CNOT10: variants seen among roughly 807,000 people sequenced by gnomAD.
CNOT10 encodes the protein CCR4-NOT transcription complex, subunit 10.
CNOT10 carries 30 observed loss-of-function variants against 94.6 expected under a neutral mutation model. The ratio of observed to expected loss-of-function variants is 0.32; its 90% CI spans 0.24 to 0.43. The LOEUF is 0.43. CNOT10 is among the 20% of genes least tolerant of loss of function. The probability of loss-of-function intolerance (pLI) is 1.00; values close to 1 mark genes in which losing one functional copy is unlikely to be tolerated. For synonymous variants in CNOT10, 289 were observed against 301.6 expected (o/e 0.96, Z 0.43); for missense variants, 759 against 877.2 (o/e 0.87, Z 1.70).
At chr3:32,735,064 C>T in intron 12 of CNOT10, 88 bp downstream of exon 12, 1 of 1,109,486 alleles carries the variant, frequency 9.0e-7, no homozygotes, top group Non-Finnish European at 1.3e-6. Flanking sequence ...TTCCTAAAAT[C>T]TTCAACCTGA....
At chr3:32,710,511 C>T (rs952744271) in intron 4 of CNOT10, among the ~76,000 whole-genome samples, 16 of 152,096 alleles carry the variant, frequency 1.1e-4, no homozygotes, top group African/African-American at 1.9e-4. Flanking sequence ...TCATAGTTTA[C>T]GTTAGGGTTC....
chr3:32,769,844 A>G (rs1279505245), intron 17 of CNOT10, 43 bp from the exon 18 acceptor site: 1 of 1,500,418 alleles, frequency 6.7e-7, no homozygotes, highest in Non-Finnish European at 9.3e-7. Flanking sequence ...TGTGTATCTT[A>G]AGCTTTTGTT....
chr3:32,740,474 A>G (rs1279854161), intron 13 of CNOT10, among the ~76,000 whole-genome samples: 1 of 152,194 alleles, frequency 6.6e-6, no homozygotes, highest in Admixed American at 6.5e-5. Flanking sequence ...CTTTAGTACA[A>G]TATCACAGTC....
chr3:32,733,979 T>G (rs1264733964), intron 11 of CNOT10, among the ~76,000 whole-genome samples: 1 of 152,224 alleles, frequency 6.6e-6, no homozygotes, highest in Non-Finnish European at 1.5e-5. Context: ...CAAAGCAGTA[T>G]AGAAGCTGTC....
At chr3:32,762,919 A>G (rs182301202) in intron 15 of CNOT10, 56 bp downstream of exon 15, 2 of 1,445,294 alleles carry the variant, frequency 1.4e-6, no homozygotes, top group East Asian at 5.5e-5. Context: ...CCCTCCTGTC[A>G]TAATTCAGGA....
chr3:32,720,896 TTCCTTCCTTCC>T (rs1698357513), intron 8 of CNOT10, among the ~76,000 whole-genome samples: 1 of 42,414 alleles, frequency 2.4e-5, no homozygotes, highest in African/African-American at 1.4e-4. Context: ...CTTCTTTTCC[TTCCTTCCTTCC>T]TTCCTTCCTT....
intron 17 of CNOT10, among the ~76,000 whole-genome samples, chr3:32,768,670 A>G (rs1700761050): frequency 6.6e-6 from 1 of 152,098 alleles, no homozygotes; most frequent in Admixed American, 6.5e-5. Context: ...ATAAAATCTC[A>G]TTTTCTGAAA....
At chr3:32,716,484 TAA>T (rs1372586969) in intron 6 of CNOT10, among the ~76,000 whole-genome samples, 173 bp downstream of exon 6, 1 of 152,208 alleles carries the variant, frequency 6.6e-6, no homozygotes, top group Non-Finnish European at 1.5e-5. Context: ...ACATTTTTCT[TAA>T]GAGGATAATA....
At chr3:32,748,914 C>T (rs113940145) in intron 13 of CNOT10, among the ~76,000 whole-genome samples, 3,353 of 151,864 alleles carry the variant, frequency 0.022, 47 homozygotes, top group East Asian at 0.048. Flanking sequence ...CACCCACCTC[C>T]GGGTTCAAGC....
At chr3:32,771,244 T>A (rs986929760) in intron 18 of CNOT10, among the ~76,000 whole-genome samples, 3 of 151,876 alleles carry the variant, frequency 2.0e-5, no homozygotes, top group Non-Finnish European at 2.9e-5. Context: ...GGAGGATCAC[T>A]TGAGCCCTGG....
intron 1 of CNOT10, among the ~76,000 whole-genome samples, chr3:32,690,051 A>G (rs1696786738): frequency 6.6e-6 from 1 of 152,178 alleles, no homozygotes; most frequent in Non-Finnish European, 1.5e-5. Context: ...GAGTTGGTGT[A>G]TGTTGGGCGT....
chr3:32,694,587 TTTTG>T (rs752220080), intron 1 of CNOT10, among the ~76,000 whole-genome samples: 6 of 152,058 alleles, frequency 3.9e-5, no homozygotes, highest in Admixed American at 2.0e-4. Context: ...TCTTTCAGTT[TTTTG>T]TTTGTTTGTT....
chr3:32,762,744 A>G lies in CNOT10; in HGVS notation c.1721A>G (p.His574Arg), dbSNP rs1210325526. 3.8e-6 allele frequency: 6 copies of G among 1,586,634 alleles called. No individual in the cohort carries two copies. The highest frequency in any genetic ancestry group is 1.4e-5 in the African/African-American group (1 of 73,180). Residue 574 changes from histidine (H) to arginine (R), a missense_variant, in exon 15 of 19, where the codon CAT becomes CGT. Physicochemically the swap from His to Arg is conservative, Grantham distance 29 (BLOSUM62 0). Coordinates refer to ENST00000328834, the MANE Select transcript of CNOT10 (RefSeq NM_015442.3). ...TTTTTTCATTTTAGGTTTTTGGGAC[A>G]TTTATATGCTGCAGAAGCCCTCATC... ...KLSGSLKFLG[H>R]LYAAEALISL... is the part of the protein sequence containing the mutation.
intron 1 of CNOT10, chr3:32,687,707 C>G (rs975458124): frequency 6.6e-6 from 1 of 152,108 alleles, no homozygotes; most frequent in African/African-American, 2.4e-5. Flanking sequence ...CCTGCCTCGC[C>G]CTCCCAAAGT....
chr3:32,685,577 C>A, intron 1 of CNOT10, 95 bp downstream of exon 1: 1 of 1,380,252 alleles, frequency 7.2e-7, no homozygotes, highest in South Asian at 1.2e-5. Flanking sequence ...GTGGGGACTC[C>A]AGGGCGACTT....
In CNOT10 at chr3:32,703,078, AT is replaced by A. The variant is rs67920905; in HGVS notation, c.23-771del. ...AGGCGCCCGCCACCACGCCAAGCTA[AT>A]TTTTTTTTTTTTTTTTTTGTATTTT... On this transcript the variant is annotated intron_variant, in intron 1 of 18. Coordinates refer to ENST00000328834, the MANE Select transcript of CNOT10 (RefSeq NM_015442.3). Among the ~76,000 whole-genome samples the A allele has an allele frequency of 5.8e-3, 719 of 124,214 alleles. 2 individuals carry two copies. Among genetic ancestry groups the A allele is most frequent in the African/African-American group, 0.019 (620 of 32,894 alleles). The allele number at this position is 124,214 out of a possible 152,430, so 81.5% of individuals were successfully genotyped here.
At chr3:32,743,968 AT>A (rs1453264114) in intron 13 of CNOT10, among the ~76,000 whole-genome samples, 1 of 152,128 alleles carries the variant, frequency 6.6e-6, no homozygotes, top group Admixed American at 6.6e-5. Flanking sequence ...TCTGGAGCAG[AT>A]GGGAGGGAGA....
chr3:32,703,056 C>T lies in CNOT10; in HGVS notation c.23-812C>T, dbSNP rs1035008884. Among the ~76,000 whole-genome samples the T allele has an allele frequency of 6.7e-5, 10 of 150,062 alleles. No homozygotes were observed. The East Asian group carries it at 7.9e-4, about 12-fold the overall frequency. On this transcript the variant is annotated intron_variant, in intron 1 of 18. Transcript: ENST00000328834. ...TCTCCCAAGTAGCTGGGACTACAGG[C>T]GCCCGCCACCACGCCAAGCTAATTT...
chr3:32,730,400 T>G (rs1001510208), intron 10 of CNOT10, among the ~76,000 whole-genome samples: 1 of 151,850 alleles, frequency 6.6e-6, no homozygotes, highest in East Asian at 1.9e-4. Flanking sequence ...TCTAGAAAAG[T>G]TGTAAATTTG....
Sources: allele counts gnomAD v4.1 joint callset (sites outside exome capture counted in the v4.1 genomes callset), GRCh38; gene constraint gnomAD v4.1.1; transcripts MANE v1.5; gene names NCBI Gene and HGNC (gene_info 2026-07-23, HGNC 2026-07-21).